Variants in FAM161B observed in about 807,000 individuals in gnomAD.
The protein encoded by FAM161B is protein FAM161B.
Under a neutral mutation model 61.5 loss-of-function variants are expected in FAM161B, and 46 were observed. The ratio of observed to expected loss-of-function variants is 0.75; its 90% CI spans 0.59 to 0.96. FAM161B has a LOEUF of 0.96. Among genes scored for constraint, FAM161B ranks in the 40% least tolerant of loss-of-function variants. The pLI, the probability that FAM161B is intolerant of heterozygous loss-of-function variation, is 0.00. For synonymous variants in FAM161B, 284 were observed against 302.7 expected, an observed-to-expected ratio of 0.94 and a Z score of 0.64; for missense variants, 774 against 800.7, an observed-to-expected ratio of 0.97 and a Z score of 0.40.
At position 73,940,940 on chromosome 14, in the gene FAM161B, CCT is replaced by C; in HGVS notation, c.1384_1385del (p.Arg462GlyfsTer9). On this transcript the variant is annotated frameshift_variant, in exon 5 of 9. Coordinates refer to ENST00000286544, the MANE Select transcript of FAM161B (RefSeq NM_152445.3). LOFTEE classifies it high-confidence loss of function. ...PVHITDATRK[R>X]ESAVRSALEK... ...TGACCACTCACCTGACTGCAGATTC[CCT>C]CTTCCTGGTGGCATCTGTGATGTGC... 1.2e-6 allele frequency: 2 copies of C among 1,611,300 alleles called. No homozygotes were observed. Among genetic ancestry groups the C allele is most frequent in the Non-Finnish European group, 1.7e-6 (2 of 1,178,762 alleles).
intron 5 of FAM161B, among the ~76,000 whole-genome samples, chr14:73,938,440 CA>C (rs1288326729): frequency 2.0e-5 from 3 of 151,698 alleles, no homozygotes; most frequent in African/African-American, 7.3e-5. Context: ...GCCTGGGCGA[CA>C]GATCAAATTC....
chr14:73,924,845 T>A, the FAM161B span: 4 of 328,230 alleles, frequency 1.2e-5, no homozygotes, highest in Non-Finnish European at 2.4e-5. Context: ...CCCAGCTAAT[T>A]TTTTTGTATT....
At chr14:73,931,030 C>G (rs2055904436), downstream of FAM161B, among the ~76,000 whole-genome samples, 1 of 152,186 alleles carries the variant, frequency 6.6e-6, no homozygotes, top group Non-Finnish European at 1.5e-5. Context: ...GCTTATCATT[C>G]TTTTAAGCCC....
intron 5 of FAM161B, among the ~76,000 whole-genome samples, chr14:73,939,830 G>A (rs1391441705): frequency 6.6e-6 from 1 of 152,196 alleles, no homozygotes; most frequent in African/African-American, 2.4e-5. Context: ...TGGACATACT[G>A]GGAAGAAGGA....
chr14:73,950,093 A>C lies in FAM161B; in HGVS notation c.-67T>G. 1 of 1,604,806 alleles carries C rather than the reference A, an allele frequency of 6.2e-7. No individual in the cohort carries two copies. The highest frequency in any genetic ancestry group is 1.3e-5 in the African/African-American group (1 of 75,064). On this transcript the variant is annotated 5_prime_UTR_variant, in exon 1 of 9. Coordinates refer to ENST00000286544, the MANE Select transcript of FAM161B (RefSeq NM_152445.3). ...GGCAGCAGCGGTGGCAGCGAGAGCT[A>C]TGCGGGGCCAGGGTCCACCCCTTTC...
At position 73,944,496 on chromosome 14, in the gene FAM161B, G is replaced by C. The variant is rs2056046602; in HGVS notation, c.764C>G (p.Ser255Cys). ...CTCCAGGAAGCTGAAGGGCTTCAAA[G>C]AAGAGAGGAGCAGTTCCTTCCTCTT... ...IQKRKELLLSSLKPFSFLEKE... is the reference protein window; with the variant it reads ...IQKRKELLLSCLKPFSFLEKE... Residue 255 changes from serine (S) to cysteine (C), a missense_variant, in exon 3 of 9, where the codon TCT (serine) becomes TGT (cysteine). Ser to Cys is a moderately radical substitution (Grantham distance 112, BLOSUM62 -1). Transcript: ENST00000286544. The C allele has an allele frequency of 1.2e-6, 2 of 1,614,098 alleles. No homozygotes were observed. The highest frequency in any genetic ancestry group is 1.7e-5 in the Admixed American group (1 of 60,028).
At chr14:73,937,541 G>C in intron 7 of FAM161B, 61 bp downstream of exon 7, 1 of 1,497,834 alleles carries the variant, frequency 6.7e-7, no homozygotes, top group East Asian at 2.3e-5. Context: ...AAATTGTTTT[G>C]TAATTTTTCA....
At chr14:73,931,340 T>C (rs1468481694), downstream of FAM161B, among the ~76,000 whole-genome samples, 1 of 152,204 alleles carries the variant, frequency 6.6e-6, no homozygotes, top group Non-Finnish European at 1.5e-5. Context: ...AAGGCCACAG[T>C]GACATCTATC....
Position 73,945,815 on chromosome 14 carries a change from C to T in FAM161B, c.374+471G>A, listed in dbSNP as rs146419394. ...GGAGTGCAGTGGCGTGATCTCAGCT[C>T]ACTGCAACCACCACCTCCTGGGCTC... On this transcript the variant is annotated intron_variant, in intron 2 of 8. Coordinates refer to ENST00000286544, the MANE Select transcript of FAM161B (RefSeq NM_152445.3). Among the ~76,000 whole-genome samples the T allele has an allele frequency of 8.4e-3, 1,284 of 152,166 alleles. 10 individuals carry two copies. The highest frequency in any genetic ancestry group is 0.03 in the African/African-American group (1,226 of 41,488).
At chr14:73,923,710 G>T in the FAM161B span, among the ~76,000 whole-genome samples, 1 of 152,142 alleles carries the variant, frequency 6.6e-6, no homozygotes, top group Non-Finnish European at 1.5e-5. Flanking sequence ...ATTGGAGATT[G>T]GTCTGTCACA....
In FAM161B at chr14:73,936,969, G is replaced by A. The variant is rs75889067; in HGVS notation, c.1665+633C>T. On this transcript the variant is annotated intron_variant, in intron 7 of 8. Transcript: ENST00000286544. ...TCAGCTGAGTCCAACATCCCTAAAA[G>A]TCTACAGAGAATATCTTAAAATGAT... Among the ~76,000 whole-genome samples the A allele has an allele frequency of 4.4e-3, 674 of 152,206 alleles. 6 individuals carry two copies. Among genetic ancestry groups the A allele is most frequent in the African/African-American group, 0.016 (656 of 41,512 alleles).
intron 1 of FAM161B, 39 bp downstream of exon 1, chr14:73,949,934 G>C (rs2056120436): frequency 8.7e-6 from 14 of 1,610,634 alleles, no homozygotes; most frequent in Admixed American, 1.7e-5. Flanking sequence ...TTCCTCTCCG[G>C]GATTCCTTTC....
chr14:73,941,173 A>T, intron 4 of FAM161B, 120 bp from the exon 5 acceptor site: 2 of 1,266,938 alleles, frequency 1.6e-6, no homozygotes. Context: ...GCTGGAGTGC[A>T]GTGGCGCAAT....
At chr14:73,932,193 ATTT>A, downstream of FAM161B, 1 of 338,764 alleles carries the variant, frequency 3.0e-6, no homozygotes, top group Non-Finnish European at 5.7e-6. Context: ...GTTAAGAGGG[ATTT>A]CATGTTTTTG....
chr14:73,940,197 G>A (rs1173295884), intron 5 of FAM161B, among the ~76,000 whole-genome samples: 1 of 152,156 alleles, frequency 6.6e-6, no homozygotes, highest in Admixed American at 6.5e-5. Flanking sequence ...TCAGAAGCCT[G>A]GTGGAAGAAC....
In FAM161B at chr14:73,944,690, G is replaced by A. The variant is rs767750684; in HGVS notation, c.570C>T (p.Gly190=). 30 of 1,608,274 alleles carry A rather than the reference G, an allele frequency of 1.9e-5. No homozygotes were observed. In the Admixed American group the frequency reaches 5.0e-4, roughly 27 times the overall value. ...TCTCCTGCTCAAAGGAGGCAGGTGAGCCCAGCCACTCGGCCTTCTTCCGGG... is the reference window on the plus strand; with the variant it reads ...TCTCCTGCTCAAAGGAGGCAGGTGAACCCAGCCACTCGGCCTTCTTCCGGG... The part of the protein sequence containing the change: ...REARKKAEWL[G]SPASFEQERQ... Residue 190 remains glycine (G), a synonymous_variant, in exon 3 of 9, where the codon GGC becomes GGT. Transcript: ENST00000286544.
At chr14:73,929,223 T>G (rs971729244), downstream of FAM161B, among the ~76,000 whole-genome samples, 2 of 152,204 alleles carry the variant, frequency 1.3e-5, no homozygotes, top group African/African-American at 2.4e-5. Flanking sequence ...ATCCCCTCCT[T>G]TTCTTTCTTC....
At chr14:73,931,850 A>T (rs2055920682), downstream of FAM161B, 1 of 439,032 alleles carries the variant, frequency 2.3e-6, no homozygotes, top group Non-Finnish European at 4.4e-6. Context: ...GAAGTTCTTC[A>T]TTCTGACTGT....
Position 73,944,733 on chromosome 14 carries a change from C to G in FAM161B, c.527G>C (p.Arg176Pro), listed in dbSNP as rs997993404. ...CTTCCGGGCCTCGCGCAGCGTCATG[C>G]GGAATGGCCGAGGGACAGTAATGGA... ...ASSITVPRPF[R>P]MTLREARKKA... Residue 176 changes from arginine to proline, a missense_variant, in exon 3 of 9, where the codon CGC becomes CCC. Coordinates refer to ENST00000286544, the MANE Select transcript of FAM161B (RefSeq NM_152445.3). The G allele has an allele frequency of 6.2e-7, 1 of 1,600,314 alleles. No individual in the cohort carries two copies. The highest frequency in any genetic ancestry group is 8.5e-7 in the Non-Finnish European group (1 of 1,171,076).
Sources: gnomAD v4.1 joint callset for allele counts (sites outside exome capture counted in the v4.1 genomes callset) on GRCh38, gnomAD v4.1.1 for gene constraint, MANE v1.5 for transcripts, NCBI Gene and HGNC (gene_info 2026-07-23, HGNC 2026-07-21) for gene names.